The following MAVS variants were observed in gnomAD, a reference collection of about 807,000 sequenced individuals.
MAVS encodes mitochondrial antiviral signaling protein.
Under a neutral mutation model 30.2 loss-of-function variants are expected in MAVS, and 20 were observed. The observed-to-expected ratio is 0.66, with a 90% CI of 0.47 to 0.96. MAVS has a LOEUF of 0.96. Ranked by LOEUF, MAVS falls within the 40% of genes least tolerant of loss-of-function variation. The pLI, the probability that MAVS is intolerant of heterozygous loss-of-function variation, is 0.00. For missense variants in MAVS, 624 were observed against 701.1 expected, an observed-to-expected ratio of 0.89 and a Z score of 1.24; for synonymous variants, 278 against 293.9, an observed-to-expected ratio of 0.95 and a Z score of 0.55.
rs2089976630 is a variant in MAVS, at chr20:3,874,455, A to G, written c.*8308A>G. ...AAAGGAGTCAGCCATGATTGCTTGT[A>G]TTTGGCAGGGGTCAAAGGCAGGCAG... On this transcript the variant is annotated 3_prime_UTR_variant, in exon 7 of 7. Coordinates refer to ENST00000428216, the MANE Select transcript of MAVS (RefSeq NM_020746.5). The G allele has an allele frequency of 5.2e-6, 2 of 381,234 alleles. No homozygotes were observed. Among genetic ancestry groups the G allele is most frequent in the Non-Finnish European group, 9.3e-6 (2 of 215,114 alleles). The allele number at this position is 381,234 out of a possible 1,614,324, so 23.6% of individuals were successfully genotyped here. A position where few individuals can be genotyped will look rare whatever the true frequency, so the allele number is the denominator to read the frequency against.
At chr20:3,850,713 T>C (rs1324626990) in intron 1 of MAVS, among the ~76,000 whole-genome samples, 1 of 149,824 alleles carries the variant, frequency 6.7e-6, no homozygotes, top group South Asian at 2.1e-4. Flanking sequence ...GGTGAAACCC[T>C]ATCTCTACTA....
chr20:3,858,738 C>T (rs997552949), intron 3 of MAVS, among the ~76,000 whole-genome samples: 2 of 151,054 alleles, frequency 1.3e-5, no homozygotes, highest in African/African-American at 4.9e-5. Context: ...GAGGTAACCC[C>T]CGAGACCCTG....
intron 1 of MAVS, among the ~76,000 whole-genome samples, chr20:3,853,193 A>G: frequency 6.9e-6 from 1 of 144,784 alleles, no homozygotes. Context: ...GTTTACAGAA[A>G]TTAAAGATGG....
At chr20:3,851,471 A>C (rs923949773) in intron 1 of MAVS, among the ~76,000 whole-genome samples, 1 of 143,614 alleles carries the variant, frequency 7.0e-6, no homozygotes, top group Non-Finnish European at 1.5e-5. Flanking sequence ...ACACCACTGC[A>C]CTCCAGCCTG....
At chr20:3,859,868 G>A (rs1207786304) in intron 3 of MAVS, among the ~76,000 whole-genome samples, 3 of 151,880 alleles carry the variant, frequency 2.0e-5, no homozygotes, top group Non-Finnish European at 2.9e-5. Context: ...CCAGGCTGGA[G>A]TGCAGTGGTG....
chr20:3,849,719 C>T (rs1192260027), intron 1 of MAVS, among the ~76,000 whole-genome samples: 2 of 152,200 alleles, frequency 1.3e-5, no homozygotes, highest in East Asian at 3.9e-4. Context: ...TCTCCAGGGG[C>T]TCTGTCTCAT....
chr20:3,853,132 C>T (rs1188153890), intron 1 of MAVS, among the ~76,000 whole-genome samples: 1 of 146,570 alleles, frequency 6.8e-6, no homozygotes, highest in African/African-American at 2.5e-5. Flanking sequence ...AGCCACCGCG[C>T]CCGGGTTCTG....
intron 3 of MAVS, among the ~76,000 whole-genome samples, chr20:3,860,121 T>C (rs994443720): frequency 2.6e-5 from 4 of 152,076 alleles, no homozygotes; most frequent in Admixed American, 2.0e-4. Context: ...CCAGCCCTGC[T>C]TGTCACTCTT....
At chr20:3,864,994 G>C (rs539981410) in intron 6 of MAVS, among the ~76,000 whole-genome samples, 1 of 152,250 alleles carries the variant, frequency 6.6e-6, no homozygotes, top group African/African-American at 2.4e-5. Context: ...CAGTCATTGA[G>C]CTTCTAAGTC....
intron 1 of MAVS, among the ~76,000 whole-genome samples, chr20:3,851,990 CTT>C (rs770960832): frequency 9.9e-5 from 8 of 80,468 alleles, no homozygotes; most frequent in Admixed American, 1.2e-4. Flanking sequence ...GTGTAGCAGG[CTT>C]TTTTTTTTTT....
chr20:3,865,199 A>G lies in MAVS; in HGVS notation c.1158+411A>G, dbSNP rs1242519582. On this transcript the variant is annotated intron_variant, in intron 6 of 6. Transcript: ENST00000428216. The surrounding 1 kb of genome is among the most constrained non-coding windows in gnomAD (Gnocchi z 4.7). ...ATGCCTGGTGTGTCCCTCCATGGCC[A>G]GGCTTTACAGAACGCAGTCCCACCT... Among the ~76,000 whole-genome samples, 1 of 152,180 alleles carries G rather than the reference A, an allele frequency of 6.6e-6. No homozygotes were observed. Among genetic ancestry groups the G allele is most frequent in the African/African-American group, 2.4e-5 (1 of 41,436 alleles).
At chr20:3,848,051 T>C (rs2089723195) in intron 1 of MAVS, among the ~76,000 whole-genome samples, 1 of 152,070 alleles carries the variant, frequency 6.6e-6, no homozygotes, top group African/African-American at 2.4e-5. Flanking sequence ...GAGTGCCTCA[T>C]CTGACTGCCT....
chr20:3,861,897 C>T lies in MAVS; in HGVS notation c.466-357C>T, dbSNP rs1202367066. ...CTGAGTAGCTGGGATTACAGGCACC[C>T]ACCACCACGCCCAGCTAATTTTTGT... On this transcript the variant is annotated intron_variant, in intron 4 of 6. Coordinates refer to ENST00000428216, the MANE Select transcript of MAVS (RefSeq NM_020746.5). 1.0e-3 allele frequency among the ~76,000 whole-genome samples: 154 copies of T among 152,198 alleles called. 2 individuals carry two copies. Among genetic ancestry groups the T allele is most frequent in the Non-Finnish European group, 4.4e-5 (3 of 68,004 alleles).
chr20:3,853,264 A>G (rs1388965013), intron 1 of MAVS, among the ~76,000 whole-genome samples: 1 of 150,606 alleles, frequency 6.6e-6, no homozygotes, highest in East Asian at 2.0e-4. Context: ...AGGCGGGCGC[A>G]TCACGAGGTC....
rs780739320 is a variant in MAVS, at chr20:3,866,131, G to A, written c.1607G>A (p.Arg536Gln). 1.5e-5 allele frequency: 24 copies of A among 1,592,548 alleles called. No homozygotes were observed. The highest frequency in any genetic ancestry group is 1.7e-5 in the Non-Finnish European group (20 of 1,171,462). The stretch of plus-strand genomic sequence containing the variant: ...GTCACACTCCTGGTGGTGCTGTACC[G>A]GCGGCGTCTGCACTAGTGAAGCCCT... ...LVVTLLVVLY[R>Q]RRLH Residue 536 changes from arginine to glutamine, a missense_variant, in exon 7 of 7, where the codon CGG (arginine) becomes CAG (glutamine). Physicochemically the swap from Arg to Gln is conservative, Grantham distance 43. Coordinates refer to ENST00000428216, the MANE Select transcript of MAVS (RefSeq NM_020746.5).
In MAVS at chr20:3,857,778, A is replaced by C; in HGVS notation, c.261A>C (p.Glu87Asp). ...GTGAGCTAGTTGATCTCGCGGACGA[A>C]GTGGCCTCTGTCTACCAGAGCTACC... ...RGCELVDLAD[E>D]VASVYQSYQP... Residue 87 changes from glutamate to aspartate, a missense_variant, in exon 3 of 7, where the codon GAA (glutamate) becomes GAC (aspartate). Physicochemically the swap from Glu to Asp is conservative, Grantham distance 45. Coordinates refer to ENST00000428216, the MANE Select transcript of MAVS (RefSeq NM_020746.5). The C allele has an allele frequency of 1.9e-6, 3 of 1,614,200 alleles. No individual in the cohort carries two copies. The highest frequency in any genetic ancestry group is 2.5e-6 in the Non-Finnish European group (3 of 1,180,020).
chr20:3,856,409 T>G (rs527844424), intron 2 of MAVS, among the ~76,000 whole-genome samples: 8 of 142,478 alleles, frequency 5.6e-5, no homozygotes, highest in Non-Finnish European at 1.1e-4. Context: ...AGGCTGGAGT[T>G]GCAGTGGTGC....
At chr20:3,852,676 C>A (rs1419832981) in intron 1 of MAVS, among the ~76,000 whole-genome samples, 3 of 151,984 alleles carry the variant, frequency 2.0e-5, no homozygotes, top group Non-Finnish European at 4.4e-5. Context: ...GGATCTGATT[C>A]TTTTTGGTCT....
intron 1 of MAVS, among the ~76,000 whole-genome samples, chr20:3,849,313 G>C (rs544704104): frequency 1.3e-5 from 2 of 151,626 alleles, no homozygotes; most frequent in Non-Finnish European, 2.9e-5. Flanking sequence ...GGGTTCAAGC[G>C]ATTCTCCTGC....
Sources: gnomAD v4.1 joint callset for allele counts (sites outside exome capture counted in the v4.1 genomes callset) on GRCh38, gnomAD v4.1.1 for gene constraint, Gnocchi (gnomAD v3.1) non-coding constraint, MANE v1.5 for transcripts, NCBI Gene and HGNC (gene_info 2026-07-23, HGNC 2026-07-21) for gene names.